VAT1L: variants seen among roughly 807,000 people sequenced by gnomAD.
VAT1L encodes the protein vesicle amine transport 1 like.
VAT1L carries 34 observed loss-of-function variants against 44.1 expected under a neutral mutation model. The observed-to-expected ratio is 0.77, with a 90% CI of 0.59 to 1.03. The LOEUF (loss-of-function observed/expected upper bound fraction) is 1.03, where lower values mean the gene tolerates loss of function less well. Among genes scored for constraint, VAT1L ranks in the 50% least tolerant of loss-of-function variants. VAT1L has a pLI of 0.00. For missense variants in VAT1L, 615 were observed against 538.8 expected, an observed-to-expected ratio of 1.14 and a Z score of -1.40; for synonymous variants, 253 against 202.2, an observed-to-expected ratio of 1.25 and a Z score of -2.13.
chr16:77,958,209 C>G (rs1162169860), intron 7 of VAT1L, among the ~76,000 whole-genome samples: 3 of 152,122 alleles, frequency 2.0e-5, no homozygotes, highest in Non-Finnish European at 4.4e-5. Context: ...GCCTGGCCTT[C>G]TTGGGTTATT....
intron 7 of VAT1L, among the ~76,000 whole-genome samples, chr16:77,923,463 A>C (rs2017634004): frequency 6.6e-6 from 1 of 152,112 alleles, no homozygotes. Flanking sequence ...TGAATGAATG[A>C]ATGGAATAAA....
At chr16:77,974,114 G>T (rs553805009) in intron 8 of VAT1L, among the ~76,000 whole-genome samples, 12 of 152,156 alleles carry the variant, frequency 7.9e-5, no homozygotes, top group Non-Finnish European at 1.6e-4. Flanking sequence ...CTTCAACATT[G>T]TAAAACACCC....
intron 3 of VAT1L, among the ~76,000 whole-genome samples, chr16:77,838,935 G>A (rs1174091057): frequency 1.3e-5 from 2 of 151,762 alleles, no homozygotes; most frequent in South Asian, 2.1e-4. Context: ...AGCCCTGGGG[G>A]TAACTGTGTT....
intron 7 of VAT1L, among the ~76,000 whole-genome samples, chr16:77,952,390 G>C (rs2018054538): frequency 6.6e-6 from 1 of 152,044 alleles, no homozygotes; most frequent in Admixed American, 6.6e-5. Context: ...CTCATGAATG[G>C]CTCTTGCTCA....
chr16:77,860,325 T>A (rs1234515537), intron 3 of VAT1L, among the ~76,000 whole-genome samples: 1 of 152,124 alleles, frequency 6.6e-6, no homozygotes, highest in Non-Finnish European at 1.5e-5. Context: ...CAGTTGAGTG[T>A]GATGTGTCGC....
At chr16:77,860,579 C>A (rs2016905391) in intron 3 of VAT1L, among the ~76,000 whole-genome samples, 3 of 152,160 alleles carry the variant, frequency 2.0e-5, no homozygotes, top group Non-Finnish European at 4.4e-5. Context: ...ATTGTAATTT[C>A]CCATCCCAGT....
At chr16:77,807,323 A>G (rs537763867) in intron 1 of VAT1L, among the ~76,000 whole-genome samples, 301 of 152,234 alleles carry the variant, frequency 2.0e-3, no homozygotes, top group African/African-American at 7.1e-3. Flanking sequence ...TCTCCTGAGG[A>G]ATTGTTCTCA....
Position 77,977,770 on chromosome 16 carries a change from C to A in VAT1L, c.*75C>A. The A allele has an allele frequency of 2.9e-6, 4 of 1,394,434 alleles. No homozygotes were observed. Among genetic ancestry groups the A allele is most frequent in the East Asian group, 2.4e-5 (1 of 41,758 alleles). The allele number at this position is 1,394,434 out of a possible 1,614,324, so 86.4% of individuals were successfully genotyped here. A position where few individuals can be genotyped will look rare whatever the true frequency, so the allele number is the denominator to read the frequency against. Reference sequence around the variant, plus strand: ...CCGGCTGAGAAAACTCTTCTGTGCCCCAGTGAACAAATGCTGTAGTCCAGT... The same window carrying A: ...CCGGCTGAGAAAACTCTTCTGTGCCACAGTGAACAAATGCTGTAGTCCAGT... On this transcript the variant is annotated 3_prime_UTR_variant, in exon 9 of 9. Coordinates refer to ENST00000302536, the MANE Select transcript of VAT1L (RefSeq NM_020927.3).
chr16:77,884,909 T>G lies in VAT1L; in HGVS notation c.1077+107T>G. 1 of 1,253,728 alleles carries G rather than the reference T, an allele frequency of 8.0e-7. No homozygotes were observed. 77.7% of individuals were successfully genotyped at this position (1,253,728 alleles called of 1,614,324 possible). A position where few individuals can be genotyped will look rare whatever the true frequency, so the allele number is the denominator to read the frequency against. On this transcript the variant is annotated intron_variant, in intron 7 of 8. Coordinates refer to ENST00000302536, the MANE Select transcript of VAT1L (RefSeq NM_020927.3). The surrounding 1 kb of genome is among the most constrained non-coding windows in gnomAD (Gnocchi z 4.5). The stretch of plus-strand genomic sequence containing the variant: ...TAAATGATTTTTTTCCCAGATGGGT[T>G]TGTTTTAAATGAGGGTCCTAAAAGT...
chr16:77,926,037 T>C lies in VAT1L; in HGVS notation c.1077+41235T>C, dbSNP rs529966846. Among the ~76,000 whole-genome samples, 518 of 143,970 alleles carry C rather than the reference T, an allele frequency of 3.6e-3. 16 individuals carry two copies. Among genetic ancestry groups the C allele is most frequent in the Admixed American group, 0.03 (418 of 14,090 alleles). The allele number at this position is 143,970 out of a possible 152,430, so 94.4% of individuals were successfully genotyped here. Reference sequence around the variant, plus strand: ...TAGCACTTTGGGAGGCCGAGGCGGGTGGGTCACGAGGTCAGGAGATCGAGA... The same window carrying C: ...TAGCACTTTGGGAGGCCGAGGCGGGCGGGTCACGAGGTCAGGAGATCGAGA... On this transcript the variant is annotated intron_variant, in intron 7 of 8. Coordinates refer to ENST00000302536, the MANE Select transcript of VAT1L (RefSeq NM_020927.3).
At position 77,874,478 on chromosome 16, in the gene VAT1L, C is replaced by T. The variant is rs549764511; in HGVS notation, c.723-1892C>T. On this transcript the variant is annotated intron_variant, in intron 4 of 8. Transcript: ENST00000302536. ...CCTCTCCAGCCCAACCCGAAGCAAA[C>T]ACCCCTTTGTTTTCATACTCCAGCC... 2.6e-5 allele frequency among the ~76,000 whole-genome samples: 4 copies of T among 152,108 alleles called. No homozygotes were observed. In the East Asian group the frequency reaches 7.8e-4, roughly 30 times the overall value.
At chr16:77,793,218 C>G (rs1020491911) in intron 1 of VAT1L, among the ~76,000 whole-genome samples, 1 of 152,098 alleles carries the variant, frequency 6.6e-6, no homozygotes, top group South Asian at 2.1e-4. Flanking sequence ...CTCAAGTGAT[C>G]CTCCTGCCTT....
chr16:77,813,007 C>T (rs76688087), intron 1 of VAT1L, among the ~76,000 whole-genome samples: 3,494 of 152,188 alleles, frequency 0.023, 136 homozygotes, highest in African/African-American at 0.08. Context: ...TGTTTAAGAG[C>T]TGTATAAAAT....
At chr16:77,885,078 C>T (rs1206514173) in intron 7 of VAT1L, among the ~76,000 whole-genome samples, 1 of 152,126 alleles carries the variant, frequency 6.6e-6, no homozygotes, top group East Asian at 1.9e-4. Flanking sequence ...GTCTACAATT[C>T]GGTGTGGTTA....
rs572129756 is a variant in VAT1L at position 77,973,813 on chromosome 16, C to T, written c.1161+1880C>T. Among the ~76,000 whole-genome samples the T allele has an allele frequency of 9.9e-5, 15 of 151,988 alleles. No individual in the cohort carries two copies. In the East Asian group the frequency reaches 2.1e-3, roughly 22 times the overall value. On this transcript the variant is annotated intron_variant, in intron 8 of 8. Transcript: ENST00000302536. Reference sequence around the variant, plus strand: ...CGATCTTGGCTCACTGCAAGCTCCACCTCCCAGGTTAATGCCACTCTACCG... The same window carrying T: ...CGATCTTGGCTCACTGCAAGCTCCATCTCCCAGGTTAATGCCACTCTACCG...
intron 3 of VAT1L, among the ~76,000 whole-genome samples, chr16:77,851,678 A>C (rs899873489): frequency 6.6e-6 from 1 of 152,030 alleles, no homozygotes; most frequent in African/African-American, 2.4e-5. Context: ...AGAGAGAGAG[A>C]GAGCAGGGCC....
At chr16:77,858,108 A>G (rs112240221) in intron 3 of VAT1L, among the ~76,000 whole-genome samples, 300 of 152,306 alleles carry the variant, frequency 2.0e-3, no homozygotes, top group African/African-American at 6.6e-3. Context: ...CGGTGGAGAC[A>G]CAGTCCCTGC....
chr16:77,951,738 A>G (rs190030985), intron 7 of VAT1L, among the ~76,000 whole-genome samples: 1 of 152,194 alleles, frequency 6.6e-6, no homozygotes, highest in East Asian at 1.9e-4. Flanking sequence ...AGCACAAGGG[A>G]CACAGAAAGG....
intron 7 of VAT1L, among the ~76,000 whole-genome samples, chr16:77,932,874 G>A (rs1267352977): frequency 6.6e-6 from 1 of 152,206 alleles, no homozygotes; most frequent in Non-Finnish European, 1.5e-5. Context: ...TGCTGAGATA[G>A]CTCGCAGGAG....
Sources: allele counts gnomAD v4.1 joint callset (sites outside exome capture counted in the v4.1 genomes callset), GRCh38; gene constraint gnomAD v4.1.1; non-coding constraint Gnocchi (gnomAD v3.1); transcripts MANE v1.5; gene names NCBI Gene and HGNC (gene_info 2026-07-23, HGNC 2026-07-21).